The following ATP8B2 variants were observed in gnomAD, a reference collection of about 807,000 sequenced individuals.
ATP8B2 encodes the protein phospholipid-transporting ATPase ID.
A neutral mutation model predicts 133.4 loss-of-function variants in ATP8B2; 70 were observed. That is an observed-to-expected ratio of 0.52 (90% CI 0.43 to 0.64). The LOEUF (loss-of-function observed/expected upper bound fraction) is 0.64. Among genes scored for constraint, ATP8B2 ranks in the 30% least tolerant of loss-of-function variants. ATP8B2 has a pLI of 0.00. For synonymous variants in ATP8B2, 517 were observed against 589.5 expected (o/e 0.88, Z 1.78); for missense variants, 1,101 against 1,535.7 (o/e 0.72, Z 4.73).
Position 154,343,830 on chromosome 1 carries a change from G to A in ATP8B2, c.1759-63G>A, listed in dbSNP as rs1016786441. ...CTACAGTGCAGGATTATTCATTGTC[G>A]CCCTCACGCTGTCCATTAGCTCTCC... On this transcript the variant is annotated intron_variant, in intron 17 of 27. Coordinates refer to ENST00000368489, the MANE Select transcript of ATP8B2 (RefSeq NM_001370597.1). The surrounding 1 kb of genome is among the most constrained non-coding windows in gnomAD (Gnocchi z 5.8). The A allele has an allele frequency of 7.2e-6, 11 of 1,525,992 alleles. No individual in the cohort carries two copies. Among genetic ancestry groups the A allele is most frequent in the African/African-American group, 4.1e-5 (3 of 72,396 alleles). 94.5% of individuals were successfully genotyped at this position (1,525,992 alleles called of 1,614,324 possible).
At position 154,344,584 on chromosome 1, in the gene ATP8B2, C is replaced by G; in HGVS notation, c.2142-57C>G. The G allele has an allele frequency of 6.2e-7, 1 of 1,608,678 alleles. No individual in the cohort carries two copies. The highest frequency in any genetic ancestry group is 8.5e-7 in the Non-Finnish European group (1 of 1,175,580). ...GTTTCTGGACCATTTAGACTTGAAT[C>G]CCTGCTCCCCACTGCCGTTCTGGAA... On this transcript the variant is annotated intron_variant, in intron 20 of 27. Coordinates refer to ENST00000368489, the MANE Select transcript of ATP8B2 (RefSeq NM_001370597.1). The surrounding 1 kb of genome is among the most constrained non-coding windows in gnomAD (Gnocchi z 4.1).
At position 154,331,606 on chromosome 1, in the gene ATP8B2, C is replaced by T. The variant is rs767503333; in HGVS notation, c.366C>T (p.Ile122=). 1.9e-6 allele frequency: 3 copies of T among 1,614,170 alleles called. No homozygotes were observed. In the South Asian group the frequency reaches 3.3e-5, roughly 18 times the overall value. Residue 122 remains isoleucine (I), a splice_region_variant and synonymous_variant, in exon 7 of 28, where the codon ATC becomes ATT. Coordinates refer to ENST00000368489, the MANE Select transcript of ATP8B2 (RefSeq NM_001370597.1). The surrounding 1 kb of genome is among the most constrained non-coding windows in gnomAD (Gnocchi z 4.8). ...NRQSQVLING[I]LQQEQWMNVC... is the part of the protein sequence containing the mutation. ...CTTCACTGTCTTCTCGTTGCCTCAG[C>T]CTCCAGCAGGAGCAGTGGATGAATG...
chr1:154,332,577 G>A (rs1686031057), intron 8 of ATP8B2, 41 bp from the exon 9 acceptor site: 2 of 1,480,466 alleles, frequency 1.4e-6, no homozygotes, highest in East Asian at 4.8e-5. Flanking sequence ...ACATTTAGAG[G>A]ATGAGGAGGG....
intron 3 of ATP8B2, 21 bp from the exon 4 acceptor site, chr1:154,330,794 T>C: frequency 6.3e-7 from 1 of 1,597,220 alleles, no homozygotes; most frequent in Non-Finnish European, 8.6e-7. Flanking sequence ...CTGCTCATTA[T>C]CTTCTCTCCT....
rs1686511753 is a variant in ATP8B2, at chr1:154,344,541, C to T, written c.2141+41C>T. 6.2e-6 allele frequency: 10 copies of T among 1,613,550 alleles called. 2 individuals are homozygous for T. The Admixed American group carries it at 1.5e-4, about 24-fold the overall frequency. ...AGGGGAGGCGGTGCTGTGCGTTGTGCCCAGGGCTCAGGTGGGGGTTTCTGG... is the reference window on the plus strand; with the variant it reads ...AGGGGAGGCGGTGCTGTGCGTTGTGTCCAGGGCTCAGGTGGGGGTTTCTGG... On this transcript the variant is annotated intron_variant, in intron 20 of 27. Coordinates refer to ENST00000368489, the MANE Select transcript of ATP8B2 (RefSeq NM_001370597.1). This position sits in a 1 kb window ranked among gnomAD's most constrained non-coding sequence, Gnocchi z 4.1.
intron 26 of ATP8B2, among the ~76,000 whole-genome samples, chr1:154,347,895 C>G (rs1355300760): frequency 6.8e-6 from 1 of 146,158 alleles, no homozygotes; most frequent in Non-Finnish European, 1.5e-5. Flanking sequence ...GAGCCGAGAT[C>G]GCGCCATTGC....
intron 2 of ATP8B2, among the ~76,000 whole-genome samples, chr1:154,329,942 A>G (rs1333452486): frequency 6.6e-6 from 1 of 151,712 alleles, no homozygotes; most frequent in African/African-American, 2.4e-5. Context: ...CACCTACCCC[A>G]CTCTCTAAAT....
At chr1:154,348,350 G>T in intron 26 of ATP8B2, 58 bp from the exon 27 acceptor site, 1 of 1,544,438 alleles carries the variant, frequency 6.5e-7, no homozygotes, top group African/African-American at 1.4e-5. Context: ...GCCAGAAATG[G>T]GAACGGGGAA....
In ATP8B2 at chr1:154,331,550, C is replaced by G; in HGVS notation, c.365+45C>G. On this transcript the variant is annotated intron_variant, in intron 6 of 27. Coordinates refer to ENST00000368489, the MANE Select transcript of ATP8B2 (RefSeq NM_001370597.1). This position sits in a 1 kb window ranked among gnomAD's most constrained non-coding sequence, Gnocchi z 4.8. ...AAGAGCTCTGGGGACGAAGGGGGTC[C>G]CTTAGGAACCTCTTTAGCTCCTGAC... The G allele has an allele frequency of 6.2e-7, 1 of 1,613,538 alleles. No individual in the cohort carries two copies. Among genetic ancestry groups the G allele is most frequent in the Non-Finnish European group, 8.5e-7 (1 of 1,179,456 alleles).
intron 1 of ATP8B2, among the ~76,000 whole-genome samples, chr1:154,326,238 G>A (rs1474425947): frequency 1.3e-5 from 2 of 152,156 alleles, no homozygotes; most frequent in African/African-American, 2.4e-5. Flanking sequence ...GGTGGCCCGA[G>A]CTCGTGTTGG....
Position 154,345,498 on chromosome 1 carries a change from A to T in ATP8B2, c.2647A>T (p.Thr883Ser). Residue 883 changes from threonine (T) to serine (S), a missense_variant, in exon 23 of 28, where the codon ACC becomes TCC. Thr to Ser is a moderately conservative substitution (Grantham distance 58). Transcript: ENST00000368489. This position sits in a 1 kb window ranked among gnomAD's most constrained non-coding sequence, Gnocchi z 5.6. ...CYFFYKNFAF[T>S]MVHFWFGFFC... The stretch of plus-strand genomic sequence containing the variant: ...TTTCTTCTACAAAAACTTTGCTTTC[A>T]CCATGGTCCACTTCTGGTTTGGCTT... 1 of 1,614,186 alleles carries T rather than the reference A, an allele frequency of 6.2e-7. No homozygotes were observed. Among genetic ancestry groups the T allele is most frequent in the Non-Finnish European group, 8.5e-7 (1 of 1,180,046 alleles).
In ATP8B2 at chr1:154,344,657, A is replaced by G. The variant is rs574751946; in HGVS notation, c.2158A>G (p.Met720Val). ...REELRKAREK[M>V]MDSSRSVGNG... Reference sequence around the variant, plus strand: ...CCTCGACAGGAAAGCCCGGGAGAAGATGATGGACTCATCCCGCTCCGTAGG... The same window carrying G: ...CCTCGACAGGAAAGCCCGGGAGAAGGTGATGGACTCATCCCGCTCCGTAGG... The change falls in exon 21 of 28, where the codon ATG becomes GTG. Residue 720 changes from methionine to valine, a missense_variant. Transcript: ENST00000368489. This position sits in a 1 kb window ranked among gnomAD's most constrained non-coding sequence, Gnocchi z 4.1. 1.2e-6 allele frequency: 2 copies of G among 1,610,224 alleles called. No homozygotes were observed. The highest frequency in any genetic ancestry group is 2.2e-5 in the East Asian group (1 of 44,714).
At position 154,346,282 on chromosome 1, in the gene ATP8B2, C is replaced by T. The variant is rs764363341; in HGVS notation, c.2830C>T (p.Gln944Ter). 1 of 1,614,210 alleles carries T rather than the reference C, an allele frequency of 6.2e-7. No homozygotes were observed. The highest frequency in any genetic ancestry group is 1.1e-5 in the South Asian group (1 of 91,082). The change falls in exon 25 of 28, where the codon CAG becomes TAG. Residue 944 changes from glutamine to a stop codon, truncating the protein, a stop_gained. Transcript: ENST00000368489. LOFTEE classifies it high-confidence loss of function. This position sits in a 1 kb window ranked among gnomAD's most constrained non-coding sequence, Gnocchi z 4.5. Reference sequence around the variant, plus strand: ...GTACCCTAAGCTGTATGAGCCGGGCCAGCTGAACCTTCTCTTCAACAAGCG... The same window carrying T: ...GTACCCTAAGCTGTATGAGCCGGGCTAGCTGAACCTTCTCTTCAACAAGCG... ...MEYPKLYEPG[Q>*]LNLLFNKREF... is the part of the protein sequence containing the mutation.
At position 154,350,842 on chromosome 1, in the gene ATP8B2, C is replaced by A. The variant is rs1381272856; in HGVS notation, c.*1724C>A. 1 of 148,068 alleles carries A rather than the reference C, an allele frequency of 6.8e-6. No homozygotes were observed. The highest frequency in any genetic ancestry group is 1.5e-5 in the Non-Finnish European group (1 of 67,608). 9.2% of individuals were successfully genotyped at this position (148,068 alleles called of 1,614,324 possible). A position where few individuals can be genotyped will look rare whatever the true frequency, so the allele number is the denominator to read the frequency against. On this transcript the variant is annotated 3_prime_UTR_variant, in exon 28 of 28. Coordinates refer to ENST00000368489, the MANE Select transcript of ATP8B2 (RefSeq NM_001370597.1). Reference sequence around the variant, plus strand: ...TTTGATAGTGGGTCGGGGGATTCTTCAGGAATGGTTTGGAGCTGGGAGTGG... The same window carrying A: ...TTTGATAGTGGGTCGGGGGATTCTTAAGGAATGGTTTGGAGCTGGGAGTGG...
At position 154,342,919 on chromosome 1, in the gene ATP8B2, C is replaced by A. The variant is rs778127105; in HGVS notation, c.1411C>A (p.Leu471Ile). Residue 471 changes from leucine to isoleucine, a missense_variant, in exon 15 of 28, where the codon CTT (leucine) becomes ATT (isoleucine). By Grantham distance (5) the Leu-to-Ile change is conservative. Transcript: ENST00000368489. ...DPHTHEFFRL[L>I]SLCHTVMSEE... Reference sequence around the variant, plus strand: ...CCACACGCATGAGTTCTTCCGCCTCCTTTCCCTGTGTCATACTGTCATGTC... The same window carrying A: ...CCACACGCATGAGTTCTTCCGCCTCATTTCCCTGTGTCATACTGTCATGTC... 6.2e-7 allele frequency: 1 copy of A among 1,614,190 alleles called. No homozygotes were observed. The highest frequency in any genetic ancestry group is 1.1e-5 in the South Asian group (1 of 91,090).
In ATP8B2 at chr1:154,334,598, CG is replaced by C. The variant is rs753871414; in HGVS notation, c.837+8del. ...GAATACCCTGGTGCTCTGGGTGAGG[CG>C]CCCCACATCTGGCTCCCTGCCCCTG... On this transcript the variant is annotated splice_region_variant and intron_variant, in intron 11 of 27. Transcript: ENST00000368489. The surrounding 1 kb of genome is among the most constrained non-coding windows in gnomAD (Gnocchi z 4.6). The C allele has an allele frequency of 3.1e-6, 5 of 1,611,918 alleles. No individual in the cohort carries two copies. Among genetic ancestry groups the C allele is most frequent in the Non-Finnish European group, 4.2e-6 (5 of 1,178,276 alleles).
At chr1:154,329,262 C>T (rs1351461088) in intron 2 of ATP8B2, among the ~76,000 whole-genome samples, 35 of 152,180 alleles carry the variant, frequency 2.3e-4, no homozygotes, top group Admixed American at 2.3e-3. Context: ...GCGCAGGGGA[C>T]TTGGCCCAAG....
rs1685896237 is a variant in ATP8B2 at position 154,329,125 on chromosome 1, C to G, written c.31+953C>G. 4.1e-6 allele frequency: 5 copies of G among 1,212,938 alleles called. No homozygotes were observed. The South Asian group carries it at 7.3e-5, about 18-fold the overall frequency. 75.1% of individuals were successfully genotyped at this position (1,212,938 alleles called of 1,614,324 possible). ...CTCTCCCGCACCCATTATTTCCCCCCTCCAATCCCTACATTCACTTGTCCC... is the reference window on the plus strand; with the variant it reads ...CTCTCCCGCACCCATTATTTCCCCCGTCCAATCCCTACATTCACTTGTCCC... On this transcript the variant is annotated intron_variant, in intron 2 of 27. Transcript: ENST00000368489.
At position 154,346,177 on chromosome 1, in the gene ATP8B2, G is replaced by C; in HGVS notation, c.2779-54G>C. The C allele has an allele frequency of 2.6e-5, 42 of 1,587,870 alleles. No homozygotes were observed. The highest frequency in any genetic ancestry group is 3.6e-5 in the Non-Finnish European group (42 of 1,165,750). On this transcript the variant is annotated intron_variant, in intron 24 of 27. Transcript: ENST00000368489. The surrounding 1 kb of genome is among the most constrained non-coding windows in gnomAD (Gnocchi z 4.5). The stretch of plus-strand genomic sequence containing the variant: ...GTCAGAGTCTGCCCTTGGTCATCCA[G>C]GGTCAAAACGGCAACCTCTGAGGCC...
Sources: allele counts gnomAD v4.1 joint callset (sites outside exome capture counted in the v4.1 genomes callset), GRCh38; gene constraint gnomAD v4.1.1; non-coding constraint Gnocchi (gnomAD v3.1); transcripts MANE v1.5; gene names NCBI Gene and HGNC (gene_info 2026-07-23, HGNC 2026-07-21).